Variants in TBC1D4 observed in about 807,000 individuals in gnomAD.
The protein encoded by TBC1D4 is TBC1 domain family member 4.
TBC1D4 carries 121 observed loss-of-function variants against 142.5 expected under a neutral mutation model. The ratio of observed to expected loss-of-function variants is 0.85; its 90% CI spans 0.73 to 0.99. The LOEUF is 0.99. Ranked by LOEUF, TBC1D4 falls within the 50% of genes least tolerant of loss-of-function variation. TBC1D4 has a pLI of 0.00. For missense variants in TBC1D4, 1,475 were observed against 1,606.6 expected, an observed-to-expected ratio of 0.92 and a Z score of 1.40; for synonymous variants, 630 against 628.2, an observed-to-expected ratio of 1.00 and a Z score of -0.04.
chr13:75,320,630 C>G (rs1041027010), intron 11 of TBC1D4, among the ~76,000 whole-genome samples: 1 of 151,954 alleles, frequency 6.6e-6, no homozygotes, highest in African/African-American at 2.4e-5. Context: ...TTTTTCTCAG[C>G]CTGCTTAAAA....
At chr13:75,399,096 C>G (rs1489832743) in intron 1 of TBC1D4, among the ~76,000 whole-genome samples, 1 of 152,150 alleles carries the variant, frequency 6.6e-6, no homozygotes, top group Non-Finnish European at 1.5e-5. Flanking sequence ...AATCCCAGCA[C>G]TTTGGGAGGC....
intron 1 of TBC1D4, among the ~76,000 whole-genome samples, chr13:75,456,595 A>C (rs1207160961): frequency 6.6e-6 from 1 of 152,076 alleles, no homozygotes; most frequent in Non-Finnish European, 1.5e-5. Flanking sequence ...AACCTCCATG[A>C]GATACAAATA....
Position 75,359,786 on chromosome 13 carries a change from T to C in TBC1D4, c.1153A>G (p.Ile385Val). 6.2e-7 allele frequency: 1 copy of C among 1,612,704 alleles called. No individual in the cohort carries two copies. Among genetic ancestry groups the C allele is most frequent in the South Asian group, 1.1e-5 (1 of 91,020 alleles). ...ATACATACCTGAGAACAAGAGGAGA[T>C]ATCTTTAAAATTCTTTTCTAGCACA... ...SVVLEKNFKD[I>V]SSCSQGIKHV... Residue 385 changes from isoleucine to valine, a missense_variant, in exon 3 of 21, where the codon ATC (isoleucine) becomes GTC (valine). Around this residue, in one of 2 missense-constraint regions of TBC1D4, gnomAD observed 1,227 missense variants for 1,267.7 expected, o/e 0.97. Coordinates refer to ENST00000377636, the MANE Select transcript of TBC1D4 (RefSeq NM_014832.5).
At chr13:75,427,322 G>A (rs529781508) in intron 1 of TBC1D4, among the ~76,000 whole-genome samples, 14 of 152,032 alleles carry the variant, frequency 9.2e-5, no homozygotes, top group Non-Finnish European at 1.6e-4. Context: ...TGATCCACCC[G>A]CCTCGGCCCA....
intron 1 of TBC1D4, among the ~76,000 whole-genome samples, chr13:75,388,303 A>G (rs764636805): frequency 1.3e-5 from 2 of 152,212 alleles, no homozygotes; most frequent in Non-Finnish European, 2.9e-5. Context: ...GGATGAAGGC[A>G]AGCACATATT....
chr13:75,418,028 T>C (rs1239115610), intron 1 of TBC1D4, among the ~76,000 whole-genome samples: 1 of 152,262 alleles, frequency 6.6e-6, no homozygotes, highest in Non-Finnish European at 1.5e-5. Flanking sequence ...TATCTGGATA[T>C]GCTAACTATA....
At chr13:75,430,698 C>G (rs1180298613) in intron 1 of TBC1D4, among the ~76,000 whole-genome samples, 2 of 152,166 alleles carry the variant, frequency 1.3e-5, no homozygotes, top group East Asian at 3.8e-4. Flanking sequence ...TGTTTTGAAT[C>G]TTCCATTCTT....
intron 16 of TBC1D4, 110 bp downstream of exon 16, chr13:75,302,133 A>T: frequency 1.5e-6 from 2 of 1,369,114 alleles, no homozygotes; most frequent in Non-Finnish European, 2.1e-6. Context: ...GGCTCTGCAT[A>T]TGCCAACAGG....
chr13:75,330,539 A>G lies in TBC1D4; in HGVS notation c.1732-2713T>C, dbSNP rs114632061. On this transcript the variant is annotated intron_variant, in intron 8 of 20. Transcript: ENST00000377636. ...GTATGGTTATTTAGCCCGTCTTCACAGATATAGAGACTGAAGTTCTGATAG... is the reference window on the plus strand; with the variant it reads ...GTATGGTTATTTAGCCCGTCTTCACGGATATAGAGACTGAAGTTCTGATAG... Among the ~76,000 whole-genome samples the G allele has an allele frequency of 5.8e-3, 885 of 152,352 alleles. 13 individuals carry two copies. Among genetic ancestry groups the G allele is most frequent in the African/African-American group, 0.02 (835 of 41,580 alleles).
At chr13:75,447,634 G>T (rs919581778) in intron 1 of TBC1D4, among the ~76,000 whole-genome samples, 1 of 151,992 alleles carries the variant, frequency 6.6e-6, no homozygotes, top group African/African-American at 2.4e-5. Context: ...ACTGGTCAGT[G>T]ACCTGTTAGG....
intron 1 of TBC1D4, among the ~76,000 whole-genome samples, chr13:75,414,130 T>C (rs111803004): frequency 2.1e-3 from 327 of 152,340 alleles, no homozygotes; most frequent in African/African-American, 7.6e-3. Context: ...GTTGAGTTCA[T>C]TCTCAGTGTC....
At position 75,294,826 on chromosome 13, in the gene TBC1D4, G is replaced by A. The variant is rs1249207158; in HGVS notation, c.3316+28C>T. ...TATAGTCCTTGGAATAAATAATACT[G>A]TTCCATTTAATTACAGGTATCTCTT... On this transcript the variant is annotated intron_variant, in intron 18 of 20. Transcript: ENST00000377636. The A allele has an allele frequency of 1.9e-6, 3 of 1,607,406 alleles. No homozygotes were observed. The Admixed American group carries it at 5.0e-5, about 27-fold the overall frequency.
intron 1 of TBC1D4, among the ~76,000 whole-genome samples, chr13:75,467,930 A>G (rs1888236003): frequency 6.6e-6 from 1 of 152,220 alleles, no homozygotes; most frequent in African/African-American, 2.4e-5. Context: ...ATAGTTGGTC[A>G]AGAGTTCACT....
intron 1 of TBC1D4, among the ~76,000 whole-genome samples, chr13:75,385,318 A>G (rs1337759456): frequency 6.6e-6 from 1 of 152,220 alleles, no homozygotes; most frequent in Non-Finnish European, 1.5e-5. Flanking sequence ...GGCCTAGCAC[A>G]TGGCTCCCAC....
At chr13:75,291,710 T>C (rs1875329464) in intron 19 of TBC1D4, among the ~76,000 whole-genome samples, 1 of 152,196 alleles carries the variant, frequency 6.6e-6, no homozygotes, top group Non-Finnish European at 1.5e-5. Flanking sequence ...CAGAAGTAGA[T>C]GCAAACCCAA....
At chr13:75,471,011 G>T (rs1196973099) in intron 1 of TBC1D4, among the ~76,000 whole-genome samples, 1 of 151,584 alleles carries the variant, frequency 6.6e-6, no homozygotes, top group Non-Finnish European at 1.5e-5. Context: ...CTATATGGTG[G>T]GCTTAGGTGA....
chr13:75,410,995 C>G (rs1402662306), intron 1 of TBC1D4, among the ~76,000 whole-genome samples: 1 of 129,970 alleles, frequency 7.7e-6, no homozygotes, highest in East Asian at 2.3e-4. Flanking sequence ...AATATTTTAA[C>G]TAATATAAAA....
intron 1 of TBC1D4, among the ~76,000 whole-genome samples, chr13:75,405,981 ACT>A (rs1885321092): frequency 6.6e-6 from 1 of 152,076 alleles, no homozygotes; most frequent in Non-Finnish European, 1.5e-5. Flanking sequence ...TCCTTGCACA[ACT>A]CTCTTCCCTG....
intron 11 of TBC1D4, among the ~76,000 whole-genome samples, chr13:75,322,609 A>G (rs931956774): frequency 6.6e-6 from 1 of 152,170 alleles, no homozygotes; most frequent in Non-Finnish European, 1.5e-5. Flanking sequence ...CTAACCTTTG[A>G]TCTTAATGGG....
Sources: gnomAD v4.1 joint callset for allele counts (sites outside exome capture counted in the v4.1 genomes callset) on GRCh38, gnomAD v4.1.1 for gene constraint, gnomAD v4.1.1 regional missense constraint, MANE v1.5 for transcripts, NCBI Gene and HGNC (gene_info 2026-07-23, HGNC 2026-07-21) for gene names.